The following MEN1 variants were observed in gnomAD, a reference collection of about 807,000 sequenced individuals.
MEN1 encodes the protein menin 1.
In MEN1, 6 loss-of-function variants were observed where a neutral mutation model predicts 58.0. The observed-to-expected ratio is 0.10, with a 90% CI of 0.06 to 0.20. MEN1 has a LOEUF of 0.20. Ranked by LOEUF, MEN1 falls within the 10% of genes least tolerant of loss-of-function variation. The pLI, the probability that MEN1 is intolerant of heterozygous loss-of-function variation, is 1.00. For missense variants in MEN1, 492 were observed against 818.5 expected (o/e 0.60, Z 4.87); for synonymous variants, 346 against 350.7 (o/e 0.99, Z 0.15).
rs587776841 is a variant in MEN1 at position 64,809,857 on chromosome 11, TAGAC to T, written c.249_252del (p.Ile85SerfsTer33). 6.2e-7 allele frequency: 1 copy of T among 1,603,914 alleles called. No individual in the cohort carries two copies. Among genetic ancestry groups the T allele is most frequent in the Non-Finnish European group, 8.5e-7 (1 of 1,176,844 alleles). On this transcript the variant is annotated frameshift_variant, in exon 2 of 10. Coordinates refer to ENST00000450708, the MANE Select transcript of MEN1 (RefSeq NM_001370259.2). LOFTEE classifies it high-confidence loss of function. ...AAGCGGGCATAGAGGGCGGCGATGATAGACAGGTCGGCCACGGGAAAGTAGGTGA... is the reference window on the plus strand; with the variant it reads ...AAGCGGGCATAGAGGGCGGCGATGATAGGTCGGCCACGGGAAAGTAGGTGA...
rs2136089265 is a variant in MEN1 at position 64,804,712 on chromosome 11, C to T, written c.1455G>A (p.Arg485=). 1 of 1,596,260 alleles carries T rather than the reference C, an allele frequency of 6.3e-7. No individual in the cohort carries two copies. The highest frequency in any genetic ancestry group is 8.5e-7 in the Non-Finnish European group (1 of 1,177,690). The part of the protein sequence containing the change: ...AREGRRRGPR[R]ESKPEEPPPP... ...GCGGGGGCTCCTCTGGCTTGGACTC[C>T]CGCCGTGGGCCCCGCCGCCGGCCTT... The change falls in exon 10 of 10, where the codon CGG becomes CGA. Residue 485 remains arginine (R), a synonymous_variant. Coordinates refer to ENST00000450708, the MANE Select transcript of MEN1 (RefSeq NM_001370259.2). This position sits in a 1 kb window ranked among gnomAD's most constrained non-coding sequence, Gnocchi z 4.2.
In MEN1 at chr11:64,807,167, C is replaced by T. The variant is rs768402169; in HGVS notation, c.824+12G>A. On this transcript the variant is annotated intron_variant, in intron 5 of 9. Transcript: ENST00000450708. This position sits in a 1 kb window ranked among gnomAD's most constrained non-coding sequence, Gnocchi z 4.9. ...CTCACCAGGCGCAGCCTGGCCACTT[C>T]CCTCTACTGACCTTTCCAGATGTCC... 1.4e-5 allele frequency: 23 copies of T among 1,613,918 alleles called. 1 individual carries two copies. Among genetic ancestry groups the T allele is most frequent in the Middle Eastern group, 1.6e-4 (1 of 6,082 alleles).
In MEN1 at chr11:64,807,695, A is replaced by C. The variant is rs1565647270; in HGVS notation, c.655-15T>G. Reference sequence around the variant, plus strand: ...TACAGCCAGCTCTTAGGGGGGGATGAGATCATTATGTCTCATGATGGCCCA... The same window carrying C: ...TACAGCCAGCTCTTAGGGGGGGATGCGATCATTATGTCTCATGATGGCCCA... On this transcript the variant is annotated splice_polypyrimidine_tract_variant and intron_variant, in intron 3 of 9. Coordinates refer to ENST00000450708, the MANE Select transcript of MEN1 (RefSeq NM_001370259.2). The surrounding 1 kb of genome is among the most constrained non-coding windows in gnomAD (Gnocchi z 4.9). 6.2e-7 allele frequency: 1 copy of C among 1,614,098 alleles called. No individual in the cohort carries two copies.
In MEN1 at chr11:64,807,353, C is replaced by A; in HGVS notation, c.784-134G>T. 1 of 1,150,224 alleles carries A rather than the reference C, an allele frequency of 8.7e-7. No homozygotes were observed. 71.3% of individuals were successfully genotyped at this position (1,150,224 alleles called of 1,614,324 possible). A position where few individuals can be genotyped will look rare whatever the true frequency, so the allele number is the denominator to read the frequency against. On this transcript the variant is annotated intron_variant, in intron 4 of 9. Coordinates refer to ENST00000450708, the MANE Select transcript of MEN1 (RefSeq NM_001370259.2). The surrounding 1 kb of genome is among the most constrained non-coding windows in gnomAD (Gnocchi z 4.9). ...GGAAGGGCCAAAATTCTGGGACCAG[C>A]CCTTTAATGGAGTCAAAGCAATTTC...
At chr11:64,808,679 C>A (rs931006592) in intron 2 of MEN1, among the ~76,000 whole-genome samples, 1 of 152,188 alleles carries the variant, frequency 6.6e-6, no homozygotes, top group Non-Finnish European at 1.5e-5. Flanking sequence ...GGTGCGGTGG[C>A]TCACGCCTGT....
At chr11:64,805,248 A>G (rs1403808724) in intron 8 of MEN1, 50 bp from the exon 9 acceptor site, 1 of 1,598,474 alleles carries the variant, frequency 6.3e-7, no homozygotes, top group South Asian at 1.1e-5. Flanking sequence ...CTCACCCCTT[A>G]GCAGAGGGCA....
chr11:64,804,866 T>C lies in MEN1; in HGVS notation c.1351-50A>G, dbSNP rs758331652. The stretch of plus-strand genomic sequence containing the variant: ...GAGAGCAAGGTTGCCGGCCAGTGGC[T>C]GGAACTCCAGGACCCTGCTCTGGCC... On this transcript the variant is annotated intron_variant, in intron 9 of 9. Transcript: ENST00000450708. This position sits in a 1 kb window ranked among gnomAD's most constrained non-coding sequence, Gnocchi z 4.2. 2.5e-6 allele frequency: 4 copies of C among 1,595,238 alleles called. No homozygotes were observed. Among genetic ancestry groups the C allele is most frequent in the Admixed American group, 1.7e-5 (1 of 59,964 alleles).
chr11:64,809,263 C>A (rs1228830352), intron 2 of MEN1, among the ~76,000 whole-genome samples: 1,348 of 115,724 alleles, frequency 0.012, no homozygotes, highest in Non-Finnish European at 0.014. Context: ...GACCCTGTCT[C>A]AAAAAAAAAA....
Position 64,805,267 on chromosome 11 carries a change from G to A in MEN1, c.1186-69C>T, listed in dbSNP as rs1941640137. The A allele has an allele frequency of 2.6e-6, 4 of 1,553,374 alleles. No individual in the cohort carries two copies. The Admixed American group carries it at 5.3e-5, about 21-fold the overall frequency. ...CCCCTTAGCAGAGGGCACAGGCCAG[G>A]CCCCCCACCTAGGCAAAGACCCCTG... On this transcript the variant is annotated intron_variant, in intron 8 of 9. Transcript: ENST00000450708.
Position 64,810,110 on chromosome 11 carries a change from G to T in MEN1, c.-1C>A. 6.4e-7 allele frequency: 1 copy of T among 1,569,662 alleles called. No homozygotes were observed. On this transcript the variant is annotated 5_prime_UTR_variant, in exon 2 of 10. Transcript: ENST00000450708. ...TCTTCTGGGCGGCCTTCAGCCCCAT[G>T]GCGGCGGGCGGTGGGCGGCGGCCTG...
chr11:64,804,953 C>T lies in MEN1; in HGVS notation c.1350+81G>A. 2 of 1,601,234 alleles carry T rather than the reference C, an allele frequency of 1.2e-6. No homozygotes were observed. The highest frequency in any genetic ancestry group is 1.7e-6 in the Non-Finnish European group (2 of 1,179,092). On this transcript the variant is annotated intron_variant, in intron 9 of 9. Coordinates refer to ENST00000450708, the MANE Select transcript of MEN1 (RefSeq NM_001370259.2). The surrounding 1 kb of genome is among the most constrained non-coding windows in gnomAD (Gnocchi z 4.2). ...ACCCAAGGGGATGGGCAGATGCTGC[C>T]CCTGGGCCAGAAAAGTCTGACAAGC...
In MEN1 at chr11:64,804,284, A is replaced by T. The variant is rs764327356; in HGVS notation, c.*50T>A. The T allele has an allele frequency of 2.5e-6, 4 of 1,613,252 alleles. No homozygotes were observed. The highest frequency in any genetic ancestry group is 3.4e-6 in the Non-Finnish European group (4 of 1,179,630). On this transcript the variant is annotated 3_prime_UTR_variant, in exon 10 of 10. Coordinates refer to ENST00000450708, the MANE Select transcript of MEN1 (RefSeq NM_001370259.2). The surrounding 1 kb of genome is among the most constrained non-coding windows in gnomAD (Gnocchi z 4.2). Reference sequence around the variant, plus strand: ...CAGAACATGGGCTCAGAGTTGGGGGACTAAGGGCGGAGCCTGGGTCCCCAC... The same window carrying T: ...CAGAACATGGGCTCAGAGTTGGGGGTCTAAGGGCGGAGCCTGGGTCCCCAC...
chr11:64,809,351 T>A (rs1388193355), intron 2 of MEN1, among the ~76,000 whole-genome samples: 3 of 151,598 alleles, frequency 2.0e-5, no homozygotes, highest in African/African-American at 7.3e-5. Flanking sequence ...GCCCCCTAAA[T>A]CTGCTGCCGC....
rs900318968 is a variant in MEN1 at position 64,807,309 on chromosome 11, C to T, written c.784-90G>A. On this transcript the variant is annotated intron_variant, in intron 4 of 9. Coordinates refer to ENST00000450708, the MANE Select transcript of MEN1 (RefSeq NM_001370259.2). The surrounding 1 kb of genome is among the most constrained non-coding windows in gnomAD (Gnocchi z 4.9). ...GGGCAGAGGTGGGGGTCAGAACCAA[C>T]AGGGACCACCCACCATGTGGAAGGG... 2.1e-6 allele frequency: 3 copies of T among 1,449,138 alleles called. No individual in the cohort carries two copies. Among genetic ancestry groups the T allele is most frequent in the Non-Finnish European group, 2.8e-6 (3 of 1,057,016 alleles). The allele number at this position is 1,449,138 out of a possible 1,614,324, so 89.8% of individuals were successfully genotyped here. A position where few individuals can be genotyped will look rare whatever the true frequency, so the allele number is the denominator to read the frequency against.
rs903570972 is a variant in MEN1 at position 64,807,359 on chromosome 11, A to C, written c.784-140T>G. The C allele has an allele frequency of 1.9e-5, 21 of 1,131,908 alleles. No individual in the cohort carries two copies. The highest frequency in any genetic ancestry group is 2.3e-5 in the Non-Finnish European group (18 of 776,154). 70.1% of individuals were successfully genotyped at this position (1,131,908 alleles called of 1,614,324 possible). A position where few individuals can be genotyped will look rare whatever the true frequency, so the allele number is the denominator to read the frequency against. ...GCCAAAATTCTGGGACCAGCCCTTT[A>C]ATGGAGTCAAAGCAATTTCACATCT... On this transcript the variant is annotated intron_variant, in intron 4 of 9. Coordinates refer to ENST00000450708, the MANE Select transcript of MEN1 (RefSeq NM_001370259.2). The surrounding 1 kb of genome is among the most constrained non-coding windows in gnomAD (Gnocchi z 4.9).
chr11:64,807,447 A>C lies in MEN1; in HGVS notation c.783+105T>G. On this transcript the variant is annotated intron_variant, in intron 4 of 9. Coordinates refer to ENST00000450708, the MANE Select transcript of MEN1 (RefSeq NM_001370259.2). The surrounding 1 kb of genome is among the most constrained non-coding windows in gnomAD (Gnocchi z 4.9). ...CCAGGAATTACTAACCCATTTTTCC[A>C]GGAGGGGAAGCTGAAGCTCAGGAAG... 7.8e-7 allele frequency: 1 copy of C among 1,287,302 alleles called. No homozygotes were observed. The allele number at this position is 1,287,302 out of a possible 1,614,324, so 79.7% of individuals were successfully genotyped here.
Position 64,803,960 on chromosome 11 carries a change from A to T in MEN1, c.*374T>A. On this transcript the variant is annotated 3_prime_UTR_variant, in exon 10 of 10. Coordinates refer to ENST00000450708, the MANE Select transcript of MEN1 (RefSeq NM_001370259.2). ...CTGTGCTCCTTGGGTTAAGGGTGAA[A>T]CCTCAGCTCCTACAAGCTGGGAGGA... 1 of 397,296 alleles carries T rather than the reference A, an allele frequency of 2.5e-6. No homozygotes were observed. The highest frequency in any genetic ancestry group is 4.7e-6 in the Non-Finnish European group (1 of 213,594). The allele number at this position is 397,296 out of a possible 1,614,324, so 24.6% of individuals were successfully genotyped here.
At position 64,807,882 on chromosome 11, in the gene MEN1, G is replaced by A. The variant is rs202134234; in HGVS notation, c.654+9C>T. 89 of 1,613,770 alleles carry A rather than the reference G, an allele frequency of 5.5e-5. No individual in the cohort carries two copies. The highest frequency in any genetic ancestry group is 6.9e-5 in the Non-Finnish European group (82 of 1,179,928). On this transcript the variant is annotated intron_variant, in intron 3 of 9. Transcript: ENST00000450708. The surrounding 1 kb of genome is among the most constrained non-coding windows in gnomAD (Gnocchi z 4.9). ...TGAAGGGGACAAGGCTGGGGGGAGGGAACAATACCCGCTCAGCCACACCGG... is the reference window on the plus strand; with the variant it reads ...TGAAGGGGACAAGGCTGGGGGGAGGAAACAATACCCGCTCAGCCACACCGG...
In MEN1 at chr11:64,805,158, C is replaced by T. The variant is rs1060499988; in HGVS notation, c.1226G>A (p.Cys409Tyr). The T allele has an allele frequency of 4.3e-6, 7 of 1,613,932 alleles. No homozygotes were observed. The highest frequency in any genetic ancestry group is 5.9e-6 in the Non-Finnish European group (7 of 1,180,030). ...GTAGAATCGCAGCAGGTGGGCGAAG[C>T]ACTCAGGGTCCTGGAGGGCGGAACC... ...SQGSALQDPE[C>Y]FAHLLRFYDG... The change falls in exon 9 of 10, where the codon TGC (cysteine) becomes TAC (tyrosine). Residue 409 changes from cysteine to tyrosine, a missense_variant. Coordinates refer to ENST00000450708, the MANE Select transcript of MEN1 (RefSeq NM_001370259.2).
Sources: allele counts gnomAD v4.1 joint callset (sites outside exome capture counted in the v4.1 genomes callset), GRCh38; gene constraint gnomAD v4.1.1; non-coding constraint Gnocchi (gnomAD v3.1); transcripts MANE v1.5; gene names NCBI Gene and HGNC (gene_info 2026-07-23, HGNC 2026-07-21).